The following HPCAL1 variants were observed in gnomAD, a reference collection of about 807,000 sequenced individuals.
HPCAL1 encodes the protein hippocalcin like 1, also known as hippocalcin-like protein 1.
Under a neutral mutation model 17.1 loss-of-function variants are expected in HPCAL1, and 8 were observed. That is an observed-to-expected ratio of 0.47 (90% CI 0.27 to 0.84). HPCAL1 has a LOEUF of 0.84. HPCAL1 is among the 40% of genes least tolerant of loss of function. The probability of loss-of-function intolerance (pLI) is 0.13; values close to 1 mark genes in which losing one functional copy is unlikely to be tolerated. For synonymous variants in HPCAL1, 112 were observed against 111.4 expected, an observed-to-expected ratio of 1.01 and a Z score of -0.03; for missense variants, 165 against 271.1, an observed-to-expected ratio of 0.61 and a Z score of 2.75.
chr2:10,305,915 T>G (rs1295476745), intron 1 of HPCAL1, among the ~76,000 whole-genome samples: 1 of 152,218 alleles, frequency 6.6e-6, no homozygotes, highest in Admixed American at 6.5e-5. Flanking sequence ...GTTGAAGCGC[T>G]GGTGCTCACA....
rs1668972810 is a variant in HPCAL1, at chr2:10,395,612, G to A, written c.-110-1223G>A. Among the ~76,000 whole-genome samples, 1 of 152,202 alleles carries A rather than the reference G, an allele frequency of 6.6e-6. No individual in the cohort carries two copies. Among genetic ancestry groups the A allele is most frequent in the Admixed American group, 6.5e-5 (1 of 15,284 alleles). ...TTCGTCTAGTGGGTGCTTGTAAAGCGGGATCGTTGCTATGAGAGAGAGAAC... is the reference window on the plus strand; with the variant it reads ...TTCGTCTAGTGGGTGCTTGTAAAGCAGGATCGTTGCTATGAGAGAGAGAAC... On this transcript the variant is annotated intron_variant, in intron 1 of 4. Transcript: ENST00000307845. This position sits in a 1 kb window ranked among gnomAD's most constrained non-coding sequence, Gnocchi z 4.4.
chr2:10,332,120 C>T (rs1572656037), intron 1 of HPCAL1, among the ~76,000 whole-genome samples: 1 of 152,164 alleles, frequency 6.6e-6, no homozygotes, highest in South Asian at 2.1e-4. Context: ...GGTGTACTCA[C>T]TTTGCTTCTC....
Position 10,426,864 on chromosome 2 carries a change from G to A in HPCAL1, c.*43G>A, listed in dbSNP as rs371144334. 28 of 1,539,240 alleles carry A rather than the reference G, an allele frequency of 1.8e-5. No individual in the cohort carries two copies. In the East Asian group the frequency reaches 2.9e-4, roughly 16 times the overall value. On this transcript the variant is annotated 3_prime_UTR_variant, in exon 5 of 5. Coordinates refer to ENST00000307845, the MANE Select transcript of HPCAL1 (RefSeq NM_002149.4). ...AGTTGCAGAGAAACACAGGCTTGTC[G>A]TGCCGTTTAAGCTTTGCTTGCAAGA...
At chr2:10,422,961 G>A in intron 3 of HPCAL1, 22 bp from the exon 4 acceptor site, 1 of 1,571,102 alleles carries the variant, frequency 6.4e-7, no homozygotes, top group Non-Finnish European at 8.8e-7. Context: ...TCTGAGCACA[G>A]TGTCATTGCC....
chr2:10,418,119 T>A (rs997313345), intron 2 of HPCAL1, among the ~76,000 whole-genome samples: 1 of 152,018 alleles, frequency 6.6e-6, no homozygotes, highest in Non-Finnish European at 1.5e-5. Flanking sequence ...ATGTATGTAC[T>A]ATAAAACCTG....
At chr2:10,425,198 C>CT (rs1474257967) in intron 4 of HPCAL1, 1 of 154,680 alleles carries the variant, frequency 6.5e-6, no homozygotes, top group Non-Finnish European at 1.4e-5. Context: ...GCCGTGGACT[C>CT]TGAGGCCCCA....
intron 1 of HPCAL1, among the ~76,000 whole-genome samples, chr2:10,389,924 G>A (rs1383649357): frequency 2.6e-5 from 4 of 152,202 alleles, no homozygotes; most frequent in African/African-American, 7.2e-5. Context: ...GCTGCTTCAC[G>A]GGGCATGTGT....
At position 10,323,481 on chromosome 2, in the gene HPCAL1, C is replaced by T. The variant is rs1027431110; in HGVS notation, c.-111+20304C>T. ...GCACCTGGCCCTGGCAGTGGGCGCA[C>T]GTTAGGTGGGATTGCTGAAGACAAT... On this transcript the variant is annotated intron_variant, in intron 1 of 4. Transcript: ENST00000307845. The surrounding 1 kb of genome is among the most constrained non-coding windows in gnomAD (Gnocchi z 4.6). Among the ~76,000 whole-genome samples, 2 of 152,306 alleles carry T rather than the reference C, an allele frequency of 1.3e-5. No individual in the cohort carries two copies. The highest frequency in any genetic ancestry group is 2.9e-5 in the Non-Finnish European group (2 of 68,018).
rs114035966 is a variant in HPCAL1 at position 10,399,844 on chromosome 2, G to A, written c.-25+2924G>A. On this transcript the variant is annotated intron_variant, in intron 2 of 4. Transcript: ENST00000307845. ...TCTCCACGTCCCCAGACACTCATGC[G>A]TTCCTTCCCTTGAGGTGGGTTCATG... 6.6e-3 allele frequency among the ~76,000 whole-genome samples: 998 copies of A among 152,238 alleles called. 13 individuals carry two copies. The highest frequency in any genetic ancestry group is 0.019 in the African/African-American group (786 of 41,536).
intron 1 of HPCAL1, among the ~76,000 whole-genome samples, chr2:10,380,087 AC>A (rs111407226): frequency 0.18 from 27,611 of 152,130 alleles, 3,221 homozygotes; most frequent in East Asian, 0.49. Context: ...TTGCACGAGT[AC>A]CTGCGTCTCA....
At position 10,377,299 on chromosome 2, in the gene HPCAL1, G is replaced by T. The variant is rs543570929; in HGVS notation, c.-110-19536G>T. 1.3e-5 allele frequency among the ~76,000 whole-genome samples: 2 copies of T among 152,278 alleles called. No homozygotes were observed. The highest frequency in any genetic ancestry group is 4.8e-5 in the African/African-American group (2 of 41,554). On this transcript the variant is annotated intron_variant, in intron 1 of 4. Coordinates refer to ENST00000307845, the MANE Select transcript of HPCAL1 (RefSeq NM_002149.4). The surrounding 1 kb of genome is among the most constrained non-coding windows in gnomAD (Gnocchi z 5.9). Reference sequence around the variant, plus strand: ...CCGCAGCAAATGCAACCCTGCCCCCGAGCCAGGCCCCAGGCTGCACCTTTC... The same window carrying T: ...CCGCAGCAAATGCAACCCTGCCCCCTAGCCAGGCCCCAGGCTGCACCTTTC...
chr2:10,419,472 G>C lies in HPCAL1; in HGVS notation c.-24-262G>C, dbSNP rs546769520. 2.0e-5 allele frequency among the ~76,000 whole-genome samples: 3 copies of C among 152,158 alleles called. No homozygotes were observed. The East Asian group carries it at 5.8e-4, about 29-fold the overall frequency. ...TGATGCCCTGTTCCACTGATTTTAA[G>C]TTGCATTTTCCCCCCCGCATTTCCA... is the stretch of plus-strand genomic sequence containing the variant. On this transcript the variant is annotated intron_variant, in intron 2 of 4. Coordinates refer to ENST00000307845, the MANE Select transcript of HPCAL1 (RefSeq NM_002149.4). The surrounding 1 kb of genome is among the most constrained non-coding windows in gnomAD (Gnocchi z 5.0).
At chr2:10,361,718 T>A (rs1363990451) in intron 1 of HPCAL1, among the ~76,000 whole-genome samples, 3 of 145,872 alleles carry the variant, frequency 2.1e-5, no homozygotes, top group African/African-American at 7.5e-5. Context: ...CTTCTTAAAT[T>A]TTTTTTTTTT....
At chr2:10,364,939 C>T (rs1330025641) in intron 1 of HPCAL1, among the ~76,000 whole-genome samples, 1 of 152,066 alleles carries the variant, frequency 6.6e-6, no homozygotes, top group Non-Finnish European at 1.5e-5. Flanking sequence ...GGGACCAAGC[C>T]CTCCTCCCCA....
intron 2 of HPCAL1, among the ~76,000 whole-genome samples, chr2:10,402,147 G>T (rs966569670): frequency 2.6e-5 from 4 of 152,156 alleles, no homozygotes; most frequent in African/African-American, 9.7e-5. Context: ...TAATCTGCCC[G>T]CCTCGGCCTC....
chr2:10,386,939 A>G (rs7574384), intron 1 of HPCAL1, among the ~76,000 whole-genome samples: 103,516 of 152,168 alleles, frequency 0.68, 36,204 homozygotes, highest in African/African-American at 0.82. Context: ...TCTGGCCTCC[A>G]CATGAGGCAG....
At chr2:10,415,203 G>A (rs564754704) in intron 2 of HPCAL1, among the ~76,000 whole-genome samples, 1 of 151,174 alleles carries the variant, frequency 6.6e-6, no homozygotes, top group South Asian at 2.1e-4. Flanking sequence ...GCCCCAGGCC[G>A]CATGGAGGGC....
chr2:10,373,436 C>T (rs1044899671), intron 1 of HPCAL1, among the ~76,000 whole-genome samples: 4 of 152,040 alleles, frequency 2.6e-5, no homozygotes, highest in Non-Finnish European at 4.4e-5. Flanking sequence ...TCAGATCATC[C>T]GACTCGATAA....
chr2:10,332,554 T>G (rs1664451235), intron 1 of HPCAL1, among the ~76,000 whole-genome samples: 1 of 152,116 alleles, frequency 6.6e-6, no homozygotes. Flanking sequence ...ACTCCCTAGC[T>G]GGGCTGCAGG....
Sources: allele counts gnomAD v4.1 joint callset (sites outside exome capture counted in the v4.1 genomes callset), GRCh38; gene constraint gnomAD v4.1.1; non-coding constraint Gnocchi (gnomAD v3.1); transcripts MANE v1.5; gene names NCBI Gene and HGNC (gene_info 2026-07-23, HGNC 2026-07-21).